Variants in AAGAB observed in about 807,000 individuals in gnomAD.
AAGAB encodes alpha- and gamma-adaptin-binding protein p34.
A neutral mutation model predicts 44.1 loss-of-function variants in AAGAB; 38 were observed. The ratio of observed to expected loss-of-function variants is 0.86; its 90% confidence interval spans 0.67 to 1.13. The LOEUF (loss-of-function observed/expected upper bound fraction) is 1.13, where lower values mean the gene tolerates loss of function less well. Ranked by LOEUF, AAGAB falls within the 50% of genes most tolerant of loss-of-function variation. AAGAB has a pLI of 0.00. For synonymous variants in AAGAB, 131 were observed against 131.8 expected (o/e 0.99, Z 0.04); for missense variants, 450 against 373.8 (o/e 1.20, Z -1.68).
At chr15:67,206,193 A>C (rs916580248) in intron 7 of AAGAB, among the ~76,000 whole-genome samples, 6 of 152,112 alleles carry the variant, frequency 3.9e-5, no homozygotes, top group African/African-American at 1.2e-4. Flanking sequence ...AATGTCCCTT[A>C]ATTGGGTTTG....
At chr15:67,207,113 C>T (rs1056046643) in intron 7 of AAGAB, among the ~76,000 whole-genome samples, 1 of 152,190 alleles carries the variant, frequency 6.6e-6, no homozygotes, top group African/African-American at 2.4e-5. Context: ...TCGCTTGAAC[C>T]CAGGAAGCGA....
At position 67,209,254 on chromosome 15, in the gene AAGAB, C is replaced by T. The variant is rs16953610; in HGVS notation, c.618+208G>A. On this transcript the variant is annotated intron_variant, in intron 6 of 9. Coordinates refer to ENST00000261880, the MANE Select transcript of AAGAB (RefSeq NM_024666.5). The stretch of plus-strand genomic sequence containing the variant: ...AATCCTAGCATATTTTAGAAAGCAC[C>T]CTAGTAAAAATAAAACCAAAGCTGT... Among the ~76,000 whole-genome samples the T allele has an allele frequency of 0.21, 31,797 of 152,094 alleles. 4,055 individuals carry two copies. The highest frequency in any genetic ancestry group is 0.47 in the East Asian group (2,429 of 5,182).
At chr15:67,215,052 C>A (rs1963911957) in intron 5 of AAGAB, among the ~76,000 whole-genome samples, 1 of 152,082 alleles carries the variant, frequency 6.6e-6, no homozygotes, top group Non-Finnish European at 1.5e-5. Flanking sequence ...AATATCCTCC[C>A]TCATATTCTG....
chr15:67,234,666 G>A (rs1020454800), intron 4 of AAGAB, among the ~76,000 whole-genome samples: 6 of 152,118 alleles, frequency 3.9e-5, no homozygotes, highest in South Asian at 2.1e-4. Flanking sequence ...AAAGGGCTAC[G>A]AGAAATAAAG....
chr15:67,233,721 G>A (rs1051596731), intron 4 of AAGAB, among the ~76,000 whole-genome samples: 3 of 152,132 alleles, frequency 2.0e-5, no homozygotes, highest in African/African-American at 4.8e-5. Context: ...ACCACTCTAT[G>A]CACATCTCTC....
chr15:67,254,949 TG>T, upstream of AAGAB: 1 of 1,613,070 alleles, frequency 6.2e-7, no homozygotes, highest in South Asian at 1.1e-5. Flanking sequence ...TTAATCCAGG[TG>T]GGAAACGGGC....
intron 5 of AAGAB, among the ~76,000 whole-genome samples, chr15:67,219,940 C>CA (rs1964031582): frequency 1.3e-5 from 2 of 152,036 alleles, no homozygotes; most frequent in Non-Finnish European, 2.9e-5. Flanking sequence ...TGCCTTAAAT[C>CA]TGATATTAAG....
In AAGAB at chr15:67,209,551, A is replaced by G; in HGVS notation, c.536-7T>C. The G allele has an allele frequency of 1.9e-6, 3 of 1,610,142 alleles. No homozygotes were observed. Among genetic ancestry groups the G allele is most frequent in the Non-Finnish European group, 2.5e-6 (3 of 1,176,576 alleles). The stretch of plus-strand genomic sequence containing the variant: ...CTAAAGCCTTGGTTCCTATCTGAAA[A>G]GGAAAAATACACTTAGTGAAATTTG... On this transcript the variant is annotated splice_polypyrimidine_tract_variant and splice_region_variant and intron_variant, in intron 5 of 9. Coordinates refer to ENST00000261880, the MANE Select transcript of AAGAB (RefSeq NM_024666.5).
chr15:67,210,964 G>A (rs1378827173), intron 5 of AAGAB, among the ~76,000 whole-genome samples: 1 of 152,016 alleles, frequency 6.6e-6, no homozygotes. Flanking sequence ...TGACCTACTC[G>A]CATCTCTCTT....
At chr15:67,217,605 T>C (rs1363340703) in intron 5 of AAGAB, among the ~76,000 whole-genome samples, 1 of 152,198 alleles carries the variant, frequency 6.6e-6, no homozygotes, top group African/African-American at 2.4e-5. Flanking sequence ...TGCTGTGATC[T>C]TGGCTCACTG....
At chr15:67,224,215 G>C (rs1964147792) in intron 5 of AAGAB, among the ~76,000 whole-genome samples, 1 of 152,160 alleles carries the variant, frequency 6.6e-6, no homozygotes, top group South Asian at 2.1e-4. Flanking sequence ...ACTTTGCACA[G>C]AGCAAGTACT....
chr15:67,210,511 G>T (rs1041169907), intron 5 of AAGAB, among the ~76,000 whole-genome samples: 1 of 147,572 alleles, frequency 6.8e-6, no homozygotes, highest in African/African-American at 2.5e-5. Flanking sequence ...GTGAGGCTCC[G>T]TCTCAAAAAA....
At chr15:67,219,635 AC>A (rs962020265) in intron 5 of AAGAB, among the ~76,000 whole-genome samples, 9 of 152,152 alleles carry the variant, frequency 5.9e-5, no homozygotes, top group African/African-American at 2.2e-4. Context: ...AAAGATTGGA[AC>A]AGTAGACACT....
At chr15:67,206,045 G>A (rs183556113) in intron 7 of AAGAB, among the ~76,000 whole-genome samples, 270 of 152,144 alleles carry the variant, frequency 1.8e-3, no homozygotes, top group South Asian at 2.1e-3. Context: ...AGACTTCATC[G>A]GTTTTTCCAC....
chr15:67,241,883 C>T (rs2140388733), intron 1 of AAGAB, among the ~76,000 whole-genome samples: 1 of 152,254 alleles, frequency 6.6e-6, no homozygotes, highest in African/African-American at 2.4e-5. Flanking sequence ...TTAAGCTGCT[C>T]TAGCCTTGCC....
chr15:67,212,728 G>A (rs7169664), intron 5 of AAGAB, among the ~76,000 whole-genome samples: 28,086 of 152,040 alleles, frequency 0.18, 2,719 homozygotes, highest in Admixed American at 0.27. Flanking sequence ...TAGACTGCTC[G>A]CATATTAACA....
intron 5 of AAGAB, chr15:67,226,841 C>A: frequency 5.4e-6 from 1 of 186,398 alleles, no homozygotes; most frequent in Non-Finnish European, 1.2e-5. Flanking sequence ...GATAACACAT[C>A]CAATTTATCT....
rs1280903016 is a variant in AAGAB, at chr15:67,222,350, C to T, written c.535+9464G>A. Among the ~76,000 whole-genome samples, 3 of 151,124 alleles carry T rather than the reference C, an allele frequency of 2.0e-5. No homozygotes were observed. The Admixed American group carries it at 2.0e-4, about 10-fold the overall frequency. On this transcript the variant is annotated intron_variant, in intron 5 of 9. Coordinates refer to ENST00000261880, the MANE Select transcript of AAGAB (RefSeq NM_024666.5). Reference sequence around the variant, plus strand: ...TTTCAAGTTGGGTCCCTTAATGCTGCCTGGCAAATCATACTTCACATCTCT... The same window carrying T: ...TTTCAAGTTGGGTCCCTTAATGCTGTCTGGCAAATCATACTTCACATCTCT...
intron 5 of AAGAB, among the ~76,000 whole-genome samples, chr15:67,216,209 C>A (rs1007947176): frequency 1.3e-5 from 2 of 151,748 alleles, no homozygotes; most frequent in African/African-American, 2.4e-5. Context: ...TTTGGGAGGC[C>A]GAGGCAGGAG....
Sources: gnomAD v4.1 joint callset for allele counts (sites outside exome capture counted in the v4.1 genomes callset) on GRCh38, gnomAD v4.1.1 for gene constraint, MANE v1.5 for transcripts, NCBI Gene and HGNC (gene_info 2026-07-23, HGNC 2026-07-21) for gene names.